PLEKHA5: variants seen among roughly 807,000 people sequenced by gnomAD.
PLEKHA5 encodes the protein pleckstrin homology domain-containing family A member 5.
Under a neutral mutation model 181.9 loss-of-function variants are expected in PLEKHA5, and 55 were observed. That is an observed-to-expected ratio of 0.30 (90% CI 0.24 to 0.38). The LOEUF is 0.38. Ranked by LOEUF, PLEKHA5 falls within the 10% of genes least tolerant of loss-of-function variation. The pLI is 1.00. For missense variants in PLEKHA5, 1,432 were observed against 1,549.5 expected, an observed-to-expected ratio of 0.92 and a Z score of 1.27; for synonymous variants, 535 against 529.4, an observed-to-expected ratio of 1.01 and a Z score of -0.15.
chr12:19,352,692 G>A (rs146298718), intron 25 of PLEKHA5, among the ~76,000 whole-genome samples: 3,071 of 151,016 alleles, frequency 0.02, 46 homozygotes, highest in Middle Eastern at 0.038. Context: ...TAGGATTATA[G>A]GCAATGAGCC....
intron 3 of PLEKHA5, among the ~76,000 whole-genome samples, chr12:19,229,051 G>T (rs900094130): frequency 3.9e-5 from 6 of 152,128 alleles, no homozygotes; most frequent in African/African-American, 1.4e-4. Context: ...AAAGAAATCT[G>T]CCCTCCAGTA....
intron 3 of PLEKHA5, among the ~76,000 whole-genome samples, chr12:19,211,694 T>C (rs2056936531): frequency 6.6e-6 from 1 of 152,188 alleles, no homozygotes; most frequent in Non-Finnish European, 1.5e-5. Flanking sequence ...TTGGCTTTTA[T>C]TTGCAATTCT....
chr12:19,221,631 TGGGGATGTCAAA>T lies in PLEKHA5; in HGVS notation c.228-32306_228-32295del, dbSNP rs1351197700. 2.6e-5 allele frequency among the ~76,000 whole-genome samples: 4 copies of T among 152,256 alleles called. No homozygotes were observed. The East Asian group carries it at 7.7e-4, about 29-fold the overall frequency. On this transcript the variant is annotated intron_variant, in intron 3 of 31. Coordinates refer to ENST00000429027, the MANE Select transcript of PLEKHA5 (RefSeq NM_001256470.2). ...AACCCGACCGTATGCAAAAAATCCTTGGGGATGTCAAAGGAGATCCCAAGGTAGAATGCAGAC... is the reference window on the plus strand; with the variant it reads ...AACCCGACCGTATGCAAAAAATCCTTGGAGATCCCAAGGTAGAATGCAGAC...
chr12:19,290,725 G>A lies in PLEKHA5; in HGVS notation c.1912G>A (p.Glu638Lys), dbSNP rs572827515. 5.9e-6 allele frequency: 9 copies of A among 1,535,488 alleles called. No individual in the cohort carries two copies. The highest frequency in any genetic ancestry group is 1.2e-5 in the South Asian group (1 of 83,926). ...LLIKLRRQQAELSSIREHTLA... is the reference protein window; with the variant it reads ...LLIKLRRQQAKLSSIREHTLA... The stretch of plus-strand genomic sequence containing the variant: ...AATAAAGCTGAGACGGCAGCAAGCC[G>A]AACTGAGTAGTATCCGGGAGCATAC... The change falls in exon 14 of 32, where the codon GAA (glutamate) becomes AAA (lysine). Residue 638 changes from glutamate to lysine, a missense_variant. Coordinates refer to ENST00000429027, the MANE Select transcript of PLEKHA5 (RefSeq NM_001256470.2).
intron 3 of PLEKHA5, among the ~76,000 whole-genome samples, chr12:19,142,210 GT>G (rs1465367860): frequency 6.6e-6 from 1 of 151,190 alleles, no homozygotes; most frequent in Non-Finnish European, 1.5e-5. Flanking sequence ...AAAAAAAATT[GT>G]TTTTTTAATT....
intron 3 of PLEKHA5, among the ~76,000 whole-genome samples, chr12:19,143,707 A>G (rs945032485): frequency 6.6e-6 from 1 of 152,120 alleles, no homozygotes; most frequent in African/African-American, 2.4e-5. Flanking sequence ...ATATGTATAT[A>G]TATTTTTAAA....
intron 15 of PLEKHA5, among the ~76,000 whole-genome samples, chr12:19,310,070 T>C (rs1011617125): frequency 3.3e-5 from 5 of 152,232 alleles, no homozygotes; most frequent in African/African-American, 1.2e-4. Context: ...CCTTTTATAA[T>C]AGCTTTATAA....
At position 19,359,969 on chromosome 12, in the gene PLEKHA5, C is replaced by CA. The variant is rs565963117; in HGVS notation, c.3483+434dup. On this transcript the variant is annotated intron_variant, in intron 28 of 31. Transcript: ENST00000429027. ...CGACAGAGGGAGGGAGACTCCATCT[C>CA]AAAAAAAAAAAGAAAAAGGAAAAAT... is the stretch of plus-strand genomic sequence containing the variant. Among the ~76,000 whole-genome samples, 886 of 133,502 alleles carry CA rather than the reference C, an allele frequency of 6.6e-3. 6 individuals carry two copies. Among genetic ancestry groups the CA allele is most frequent in the African/African-American group, 0.022 (790 of 36,104 alleles). 87.6% of individuals were successfully genotyped at this position (133,502 alleles called of 152,430 possible).
intron 3 of PLEKHA5, among the ~76,000 whole-genome samples, chr12:19,204,128 A>G (rs934843479): frequency 2.0e-5 from 3 of 151,976 alleles, no homozygotes; most frequent in Non-Finnish European, 1.5e-5. Flanking sequence ...AAGAGGCAGG[A>G]GGGTAGAGGA....
At chr12:19,151,238 A>T (rs950735427) in intron 3 of PLEKHA5, 1 of 152,212 alleles carries the variant, frequency 6.6e-6, no homozygotes, top group Non-Finnish European at 1.5e-5. Context: ...GGTTGAGGGT[A>T]TAGAGGAGTT....
chr12:19,360,041 G>A (rs902961377), intron 28 of PLEKHA5, among the ~76,000 whole-genome samples: 12 of 151,674 alleles, frequency 7.9e-5, no homozygotes, highest in African/African-American at 2.2e-4. Context: ...ATCAAGATAT[G>A]CATTAATTGA....
At chr12:19,359,928 T>C (rs1241271584) in intron 28 of PLEKHA5, among the ~76,000 whole-genome samples, 2 of 150,798 alleles carry the variant, frequency 1.3e-5, no homozygotes, top group Non-Finnish European at 1.5e-5. Context: ...ATCGCGCCAC[T>C]ACACTCCAGC....
Position 19,361,642 on chromosome 12 carries a change from A to C in PLEKHA5, c.3544A>C (p.Asn1182His), listed in dbSNP as rs2095247547. Reference sequence around the variant, plus strand: ...TTTTGAACCTGAGCCAAATGGAGTAAATTCTGTGGAAATGATGGATAAAGA... The same window carrying C: ...TTTTGAACCTGAGCCAAATGGAGTACATTCTGTGGAAATGATGGATAAAGA... ...MLFEPEPNGV[N>H]SVEMMDKERN... Residue 1182 changes from asparagine to histidine, a missense_variant, in exon 29 of 32, where the codon AAT becomes CAT. Asn to His is a moderately conservative substitution (Grantham distance 68). Coordinates refer to ENST00000429027, the MANE Select transcript of PLEKHA5 (RefSeq NM_001256470.2). 6.3e-7 allele frequency: 1 copy of C among 1,581,610 alleles called. No individual in the cohort carries two copies.
intron 3 of PLEKHA5, chr12:19,149,326 C>A (rs2039747822): frequency 6.6e-6 from 1 of 151,630 alleles, no homozygotes; most frequent in South Asian, 2.1e-4. Flanking sequence ...CACGGTGAAA[C>A]CCCATCTCTA....
intron 3 of PLEKHA5, among the ~76,000 whole-genome samples, chr12:19,242,377 T>C (rs991415108): frequency 6.6e-6 from 1 of 152,114 alleles, no homozygotes; most frequent in African/African-American, 2.4e-5. Flanking sequence ...TAGCTGGGAC[T>C]ACAGATGGGC....
At chr12:19,316,173 A>G (rs777066745) in intron 16 of PLEKHA5, among the ~76,000 whole-genome samples, 1 of 152,020 alleles carries the variant, frequency 6.6e-6, no homozygotes, top group Non-Finnish European at 1.5e-5. Context: ...AAAATATATC[A>G]TCTATAAGAT....
chr12:19,233,538 T>C (rs1215898755), intron 3 of PLEKHA5, among the ~76,000 whole-genome samples: 1 of 152,156 alleles, frequency 6.6e-6, no homozygotes, highest in African/African-American at 2.4e-5. Flanking sequence ...ACCTCAATGC[T>C]GGATTTAGTT....
Position 19,367,883 on chromosome 12 carries a change from G to A in PLEKHA5, c.3754+1774G>A, listed in dbSNP as rs144034283. Reference sequence around the variant, plus strand: ...TTATAGGCATGAGCCACTGCGCCCGGCCCAGCTTTGCTTCTTGTAGTCCAT... The same window carrying A: ...TTATAGGCATGAGCCACTGCGCCCGACCCAGCTTTGCTTCTTGTAGTCCAT... On this transcript the variant is annotated intron_variant, in intron 30 of 31. Coordinates refer to ENST00000429027, the MANE Select transcript of PLEKHA5 (RefSeq NM_001256470.2). 7.8e-3 allele frequency among the ~76,000 whole-genome samples: 1,185 copies of A among 151,700 alleles called. 5 individuals are homozygous for A. Among genetic ancestry groups the A allele is most frequent in the Middle Eastern group, 0.034 (10 of 294 alleles).
At chr12:19,203,255 T>C (rs560946178) in intron 3 of PLEKHA5, among the ~76,000 whole-genome samples, 73 of 152,216 alleles carry the variant, frequency 4.8e-4, no homozygotes, top group African/African-American at 1.7e-3. Flanking sequence ...ACCACCTCTT[T>C]ACCTGTCCTC....
Sources: gnomAD v4.1 joint callset for allele counts (sites outside exome capture counted in the v4.1 genomes callset) on GRCh38, gnomAD v4.1.1 for gene constraint, MANE v1.5 for transcripts, NCBI Gene and HGNC (gene_info 2026-07-23, HGNC 2026-07-21) for gene names.